The following ZCCHC7 variants were observed in gnomAD, a reference collection of about 807,000 sequenced individuals.
The protein encoded by ZCCHC7 is zinc finger CCHC-type containing 7.
ZCCHC7 carries 35 observed loss-of-function variants against 52.0 expected under a neutral mutation model. The observed-to-expected ratio is 0.67, with a 90% CI of 0.51 to 0.89. The LOEUF (loss-of-function observed/expected upper bound fraction) is 0.89, where lower values mean the gene tolerates loss of function less well. ZCCHC7 is among the 40% of genes least tolerant of loss of function. The pLI is 0.00. For synonymous variants in ZCCHC7, 217 were observed against 221.5 expected (o/e 0.98, Z 0.18); for missense variants, 574 against 649.1 (o/e 0.88, Z 1.26).
intron 2 of ZCCHC7, among the ~76,000 whole-genome samples, chr9:37,164,604 C>A (rs1217845431): frequency 6.6e-6 from 1 of 152,038 alleles, no homozygotes; most frequent in Non-Finnish European, 1.5e-5. Context: ...AGAAAAGAAA[C>A]AGGGTCTCCC....
chr9:37,279,432 A>G (rs976310931), intron 2 of ZCCHC7, among the ~76,000 whole-genome samples: 12 of 152,138 alleles, frequency 7.9e-5, no homozygotes, highest in African/African-American at 9.6e-5. Flanking sequence ...ACAAAAAAAC[A>G]TAAGGACATA....
chr9:37,285,555 G>A (rs968239062), intron 2 of ZCCHC7, among the ~76,000 whole-genome samples: 2 of 151,970 alleles, frequency 1.3e-5, no homozygotes, highest in African/African-American at 4.8e-5. Flanking sequence ...ATTCCATTTG[G>A]CCTATAATAG....
At chr9:37,133,166 T>C (rs959141863) in intron 2 of ZCCHC7, among the ~76,000 whole-genome samples, 1 of 152,126 alleles carries the variant, frequency 6.6e-6, no homozygotes, top group Non-Finnish European at 1.5e-5. Flanking sequence ...CAATCTCATA[T>C]TGTTTTAAGA....
intron 2 of ZCCHC7, among the ~76,000 whole-genome samples, chr9:37,181,399 T>C (rs1822346032): frequency 6.6e-6 from 1 of 152,230 alleles, no homozygotes; most frequent in Non-Finnish European, 1.5e-5. Context: ...ACTTTTTGCA[T>C]GTATCTCAAA....
intron 2 of ZCCHC7, among the ~76,000 whole-genome samples, chr9:37,282,326 G>A (rs1478062442): frequency 1.3e-5 from 2 of 151,992 alleles, no homozygotes; most frequent in East Asian, 1.9e-4. Context: ...AAACAAGGCC[G>A]GGCATGGTGG....
intron 5 of ZCCHC7, among the ~76,000 whole-genome samples, chr9:37,314,636 G>A (rs1335012573): frequency 6.6e-6 from 1 of 151,882 alleles, no homozygotes; most frequent in Non-Finnish European, 1.5e-5. Context: ...TAGATCCCTG[G>A]ATGTGGTGGG....
chr9:37,335,527 A>G (rs1830611796), intron 6 of ZCCHC7, among the ~76,000 whole-genome samples: 1 of 152,208 alleles, frequency 6.6e-6, no homozygotes, highest in Admixed American at 6.6e-5. Flanking sequence ...TAAATATAAA[A>G]TACAATACCT....
intron 2 of ZCCHC7, among the ~76,000 whole-genome samples, chr9:37,224,161 C>T (rs1824973413): frequency 6.6e-6 from 1 of 151,734 alleles, no homozygotes; most frequent in Admixed American, 6.6e-5. Flanking sequence ...TTGATTATAC[C>T]GCTTGCGAGA....
At chr9:37,267,036 C>T (rs531405309) in intron 2 of ZCCHC7, among the ~76,000 whole-genome samples, 2 of 152,030 alleles carry the variant, frequency 1.3e-5, no homozygotes, top group Non-Finnish European at 2.9e-5. Flanking sequence ...GTATACTATC[C>T]GGAATACAGT....
chr9:37,229,337 A>C (rs1825285608), intron 2 of ZCCHC7, among the ~76,000 whole-genome samples: 2 of 152,218 alleles, frequency 1.3e-5, no homozygotes, highest in Admixed American at 1.3e-4. Flanking sequence ...GTCATATGTC[A>C]CTTACTGACA....
At chr9:37,199,654 G>GTCTGTCTGTCTGTCTTTCTC (rs1226240725) in intron 2 of ZCCHC7, among the ~76,000 whole-genome samples, 2 of 127,796 alleles carry the variant, frequency 1.6e-5, no homozygotes, top group South Asian at 2.5e-4. Flanking sequence ...TTTTCTGTCT[G>GTCTGTCTGTCTGTCTTTCTC]TCTGTCTGTC....
intron 2 of ZCCHC7, among the ~76,000 whole-genome samples, chr9:37,153,198 T>A (rs887475746): frequency 1.3e-5 from 2 of 152,038 alleles, no homozygotes; most frequent in Non-Finnish European, 2.9e-5. Context: ...AGAGATGGAG[T>A]CTTGCTCTTT....
chr9:37,304,124 T>C lies in ZCCHC7; in HGVS notation c.655-64T>C, dbSNP rs533974457. 9.3e-6 allele frequency: 14 copies of C among 1,502,210 alleles called. No individual in the cohort carries two copies. The South Asian group carries it at 1.7e-4, about 19-fold the overall frequency. The allele number at this position is 1,502,210 out of a possible 1,614,324, so 93.1% of individuals were successfully genotyped here. On this transcript the variant is annotated intron_variant, in intron 3 of 8. Coordinates refer to ENST00000336755, the MANE Select transcript of ZCCHC7 (RefSeq NM_032226.3). ...TGCTTATAGTTGTCTTTAACAAGAG[T>C]AGTAGATGGCTTTTATTTAGCAGTG...
At chr9:37,191,037 AG>A (rs1282032234) in intron 2 of ZCCHC7, among the ~76,000 whole-genome samples, 3 of 151,664 alleles carry the variant, frequency 2.0e-5, no homozygotes, top group Middle Eastern at 3.2e-3. Flanking sequence ...AAAAAAAAAA[AG>A]AATACATGCA....
intron 2 of ZCCHC7, among the ~76,000 whole-genome samples, chr9:37,290,536 G>C (rs547626704): frequency 6.6e-6 from 1 of 152,216 alleles, no homozygotes; most frequent in East Asian, 1.9e-4. Context: ...TGTCGCAGTA[G>C]TACCAGCTAC....
chr9:37,256,645 A>T (rs1826601032), intron 2 of ZCCHC7, among the ~76,000 whole-genome samples: 1 of 152,216 alleles, frequency 6.6e-6, no homozygotes, highest in Non-Finnish European at 1.5e-5. Context: ...ATGAAACGGG[A>T]AGTACTGTAC....
chr9:37,126,904 T>G lies in ZCCHC7; in HGVS notation c.572T>G (p.Leu191Arg). The G allele has an allele frequency of 6.2e-7, 1 of 1,614,100 alleles. No individual in the cohort carries two copies. Among genetic ancestry groups the G allele is most frequent in the Non-Finnish European group, 8.5e-7 (1 of 1,180,016 alleles). ...GTAGATGATAAAGATGATGATATCC[T>G]TCTCAACCTTGTGGGATGTGAAAAC... The part of the protein sequence containing the change: ...CEVDDKDDDI[L>R]LNLVGCENSV... The change falls in exon 2 of 9, where the codon CTT (leucine) becomes CGT (arginine). Residue 191 changes from leucine (L) to arginine (R), a missense_variant. Leu to Arg is a moderately radical substitution (Grantham distance 102, BLOSUM62 -2). This residue lies in a region of ZCCHC7 where 403 missense variants were observed against 461.2 expected (regional missense o/e 0.87). Transcript: ENST00000336755.
At chr9:37,263,092 ATTC>A (rs1332859416) in intron 2 of ZCCHC7, among the ~76,000 whole-genome samples, 5 of 152,108 alleles carry the variant, frequency 3.3e-5, no homozygotes, top group Non-Finnish European at 7.4e-5. Context: ...TTTACTGGTG[ATTC>A]TTCTTAAAAC....
intron 5 of ZCCHC7, among the ~76,000 whole-genome samples, chr9:37,323,182 A>G (rs968756094): frequency 1.3e-5 from 2 of 152,192 alleles, no homozygotes; most frequent in Non-Finnish European, 2.9e-5. Context: ...CTACATTATC[A>G]TGCTACATTT....
Sources: gnomAD v4.1 joint callset for allele counts (sites outside exome capture counted in the v4.1 genomes callset) on GRCh38, gnomAD v4.1.1 for gene constraint, gnomAD v4.1.1 regional missense constraint, MANE v1.5 for transcripts, NCBI Gene and HGNC (gene_info 2026-07-23, HGNC 2026-07-21) for gene names.